SYNJ1: variants seen among roughly 807,000 people sequenced by gnomAD.
SYNJ1 encodes the protein synaptojanin 1.
SYNJ1 carries 78 observed loss-of-function variants against 168.2 expected under a neutral mutation model. The observed-to-expected ratio is 0.46, with a 90% CI of 0.39 to 0.56. The LOEUF is 0.56. Among genes scored for constraint, SYNJ1 ranks in the 20% least tolerant of loss-of-function variants. The probability of loss-of-function intolerance (pLI) is 0.00; values close to 1 mark genes in which losing one functional copy is unlikely to be tolerated. For missense variants in SYNJ1, 1,303 were observed against 1,597.6 expected, an observed-to-expected ratio of 0.82 and a Z score of 3.14; for synonymous variants, 539 against 548.6, an observed-to-expected ratio of 0.98 and a Z score of 0.24.
At chr21:32,664,433 T>TA (rs879394331) in intron 18 of SYNJ1, among the ~76,000 whole-genome samples, 3 of 152,182 alleles carry the variant, frequency 2.0e-5, no homozygotes, top group Non-Finnish European at 4.4e-5. Context: ...GCCTGGTAGT[T>TA]AAAAATCAAC....
At position 32,685,232 on chromosome 21, in the gene SYNJ1, G is replaced by A. The variant is rs112576668; in HGVS notation, c.1118+516C>T. Among the ~76,000 whole-genome samples the A allele has an allele frequency of 8.6e-5, 13 of 150,504 alleles. 1 individual carries two copies. Among genetic ancestry groups the A allele is most frequent in the African/African-American group, 2.7e-4 (11 of 40,944 alleles). ...GTACACTGCCTGCTCCATAAAATGC[G>A]CTCACTAATGTAACCTCTCATTATT... On this transcript the variant is annotated intron_variant, in intron 9 of 32. Transcript: ENST00000674351.
At chr21:32,709,666 C>T (rs1016573255) in intron 2 of SYNJ1, among the ~76,000 whole-genome samples, 8 of 151,330 alleles carry the variant, frequency 5.3e-5, no homozygotes, top group African/African-American at 1.7e-4. Context: ...TACAGGTGCC[C>T]ACCAACACGC....
chr21:32,713,237 T>A (rs564134750), intron 2 of SYNJ1, among the ~76,000 whole-genome samples: 50 of 147,938 alleles, frequency 3.4e-4, no homozygotes, highest in African/African-American at 1.2e-3. Flanking sequence ...TATGTCAACA[T>A]GGATGATTTC....
intron 32 of SYNJ1, 124 bp from the exon 33 acceptor site, chr21:32,631,925 C>T: frequency 1.1e-6 from 1 of 897,194 alleles, no homozygotes; most frequent in Middle Eastern, 3.5e-4. Flanking sequence ...TAAAAAGTAG[C>T]TTTGTGTAGT....
At chr21:32,710,760 A>G (rs1245839195) in intron 2 of SYNJ1, among the ~76,000 whole-genome samples, 1 of 152,188 alleles carries the variant, frequency 6.6e-6, no homozygotes, top group Non-Finnish European at 1.5e-5. Context: ...CATAGCCCAC[A>G]CTTCCCAAGG....
At chr21:32,693,809 C>G (rs2042111575) in intron 6 of SYNJ1, among the ~76,000 whole-genome samples, 1 of 152,034 alleles carries the variant, frequency 6.6e-6, no homozygotes, top group African/African-American at 2.4e-5. Context: ...ATTATTTGCC[C>G]AAGATCACAC....
At chr21:32,643,384 C>A in intron 27 of SYNJ1, 26 bp downstream of exon 27, 1 of 1,613,012 alleles carries the variant, frequency 6.2e-7, no homozygotes, top group Non-Finnish European at 8.5e-7. Context: ...GAGAGAACCA[C>A]TTCTATAATG....
chr21:32,673,222 G>A (rs1254700690), intron 14 of SYNJ1, 118 bp downstream of exon 14: 3 of 845,980 alleles, frequency 3.5e-6, no homozygotes, highest in Non-Finnish European at 5.0e-6. Context: ...GTCTTCAAAT[G>A]TATAGCTCCA....
chr21:32,670,818 T>C (rs2041157129), intron 14 of SYNJ1: 1 of 984,966 alleles, frequency 1.0e-6, no homozygotes. Flanking sequence ...AACATAATCT[T>C]GATCTTTTTG....
chr21:32,716,532 T>C (rs1569132819), intron 2 of SYNJ1, among the ~76,000 whole-genome samples: 1 of 152,240 alleles, frequency 6.6e-6, no homozygotes, highest in Non-Finnish European at 1.5e-5. Flanking sequence ...ATCATTCTTA[T>C]CTTCACTCTT....
At position 32,628,941 on chromosome 21, in the gene SYNJ1, G is replaced by A. The variant is rs2039221818; in HGVS notation, c.*2864C>T. 1 of 152,608 alleles carries A rather than the reference G, an allele frequency of 6.6e-6. No homozygotes were observed. The highest frequency in any genetic ancestry group is 2.1e-4 in the South Asian group (1 of 4,834). 9.5% of individuals were successfully genotyped at this position (152,608 alleles called of 1,614,324 possible). A position where few individuals can be genotyped will look rare whatever the true frequency, so the allele number is the denominator to read the frequency against. Reference sequence around the variant, plus strand: ...AGCAATCTAATATAGAGAACACAGAGTTCACAAAGAGATCCTTAGTGTCTA... The same window carrying A: ...AGCAATCTAATATAGAGAACACAGAATTCACAAAGAGATCCTTAGTGTCTA... On this transcript the variant is annotated 3_prime_UTR_variant, in exon 33 of 33. Coordinates refer to ENST00000674351, the MANE Select transcript of SYNJ1 (RefSeq NM_203446.3).
chr21:32,680,399 T>C (rs762176944), intron 11 of SYNJ1, among the ~76,000 whole-genome samples: 13 of 152,150 alleles, frequency 8.5e-5, no homozygotes, highest in African/African-American at 1.7e-4. Context: ...TGAAATAATT[T>C]GAGAAATTGT....
intron 2 of SYNJ1, among the ~76,000 whole-genome samples, chr21:32,708,761 C>CTT (rs398040591): frequency 2.1e-5 from 3 of 145,112 alleles, no homozygotes; most frequent in African/African-American, 5.0e-5. Flanking sequence ...TCTTAGGTAC[C>CTT]TTTTTTTTTT....
At position 32,666,293 on chromosome 21, in the gene SYNJ1, T is replaced by C. The variant is rs180975706; in HGVS notation, c.1952+140A>G. 4.1e-4 allele frequency: 592 copies of C among 1,461,212 alleles called. No individual in the cohort carries two copies. In the African/African-American group the frequency reaches 4.8e-3, roughly 12 times the overall value. 90.5% of individuals were successfully genotyped at this position (1,461,212 alleles called of 1,614,324 possible). A position where few individuals can be genotyped will look rare whatever the true frequency, so the allele number is the denominator to read the frequency against. ...AGTGAAGCTATTGGTGAGTCTTTAA[T>C]CAAAACCCCCAAAACCCCATTTTAA... On this transcript the variant is annotated intron_variant, in intron 16 of 32. Coordinates refer to ENST00000674351, the MANE Select transcript of SYNJ1 (RefSeq NM_203446.3).
intron 6 of SYNJ1, among the ~76,000 whole-genome samples, chr21:32,688,650 GT>G (rs1420000722): frequency 2.6e-5 from 4 of 152,108 alleles, no homozygotes; most frequent in Admixed American, 2.0e-4. Flanking sequence ...TTTTAAAGGT[GT>G]TTTCATATAT....
At chr21:32,639,551 C>A in intron 30 of SYNJ1, 120 bp downstream of exon 30, 1 of 763,808 alleles carries the variant, frequency 1.3e-6, no homozygotes, top group East Asian at 2.7e-5. Context: ...GCCATCACCC[C>A]TGGCTAATTT....
rs2042670747 is a variant in SYNJ1, at chr21:32,707,832, C to T, written c.125-5785G>A. Among the ~76,000 whole-genome samples, 4 of 152,144 alleles carry T rather than the reference C, an allele frequency of 2.6e-5. No homozygotes were observed. The South Asian group carries it at 8.3e-4, about 32-fold the overall frequency. On this transcript the variant is annotated intron_variant, in intron 2 of 32. Coordinates refer to ENST00000674351, the MANE Select transcript of SYNJ1 (RefSeq NM_203446.3). ...GGGAGATCGAAACCAGCCTGGCCAT[C>T]ATGGTGAAACCCCGTCTCTATTAAA...
At chr21:32,655,625 G>A (rs944009309) in intron 21 of SYNJ1, among the ~76,000 whole-genome samples, 6 of 151,978 alleles carry the variant, frequency 3.9e-5, no homozygotes, top group Admixed American at 3.9e-4. Flanking sequence ...ACAAGCAGGA[G>A]TTGTATCTTC....
At chr21:32,703,136 C>T (rs2042472187) in intron 2 of SYNJ1, among the ~76,000 whole-genome samples, 1 of 152,210 alleles carries the variant, frequency 6.6e-6, no homozygotes, top group African/African-American at 2.4e-5. Flanking sequence ...TGGCTTCTGC[C>T]TTCTGATGAG....
Sources: gnomAD v4.1 joint callset for allele counts (sites outside exome capture counted in the v4.1 genomes callset) on GRCh38, gnomAD v4.1.1 for gene constraint, MANE v1.5 for transcripts, NCBI Gene and HGNC (gene_info 2026-07-23, HGNC 2026-07-21) for gene names.